The following CFAP43 variants were observed in gnomAD, a reference collection of about 807,000 sequenced individuals.
The protein encoded by CFAP43 is cilia- and flagella-associated protein 43.
A neutral mutation model predicts 218.9 loss-of-function variants in CFAP43; 155 were observed. That is an observed-to-expected ratio of 0.71 (90% CI 0.62 to 0.81). The LOEUF is 0.81. CFAP43 is among the 30% of genes least tolerant of loss of function. The pLI is 0.00. For synonymous variants in CFAP43, 645 were observed against 681.3 expected (o/e 0.95, Z 0.83); for missense variants, 1,778 against 1,954.3 (o/e 0.91, Z 1.70).
At chr10:104,163,525 C>A (rs2088987879) in intron 24 of CFAP43, among the ~76,000 whole-genome samples, 1 of 152,164 alleles carries the variant, frequency 6.6e-6, no homozygotes, top group African/African-American at 2.4e-5. Flanking sequence ...TTATTTCCAA[C>A]TGCCTCTGTG....
chr10:104,159,141 C>T (rs1036838708), intron 27 of CFAP43, among the ~76,000 whole-genome samples: 1 of 151,952 alleles, frequency 6.6e-6, no homozygotes, highest in Non-Finnish European at 1.5e-5. Context: ...TATTTTTATA[C>T]ATGTTTGACA....
At chr10:104,214,166 T>TA (rs1361062072) in intron 4 of CFAP43, 93 bp downstream of exon 4, 1 of 1,310,674 alleles carries the variant, frequency 7.6e-7, no homozygotes, top group Non-Finnish European at 1.0e-6. Context: ...TATGTATGTA[T>TA]AAAGCCACTT....
intron 13 of CFAP43, among the ~76,000 whole-genome samples, 200 bp downstream of exon 13, chr10:104,188,070 C>T (rs1340575557): frequency 6.6e-6 from 1 of 152,186 alleles, no homozygotes; most frequent in Non-Finnish European, 1.5e-5. Flanking sequence ...GGTAATAAAG[C>T]AGACTCATGA....
intron 7 of CFAP43, among the ~76,000 whole-genome samples, chr10:104,204,148 A>G (rs1452502632): frequency 1.3e-5 from 2 of 152,184 alleles, no homozygotes; most frequent in Non-Finnish European, 2.9e-5. Flanking sequence ...TGTGTATAGC[A>G]GTTTCTTTCC....
chr10:104,164,018 T>C, intron 24 of CFAP43, 76 bp downstream of exon 24: 1 of 1,481,318 alleles, frequency 6.8e-7, no homozygotes, highest in Non-Finnish European at 9.3e-7. Flanking sequence ...TCCCACAGAG[T>C]AACCAAGTTG....
intron 2 of CFAP43, among the ~76,000 whole-genome samples, chr10:104,229,640 G>A (rs955555107): frequency 6.6e-6 from 1 of 152,070 alleles, no homozygotes; most frequent in Non-Finnish European, 1.5e-5. Flanking sequence ...CTCCAGCCTG[G>A]GTGATAGAGC....
Position 104,168,835 on chromosome 10 carries a change from ACATCCTTT to A in CFAP43, c.2592_2599del (p.Lys865ArgfsTer4). 6.2e-7 allele frequency: 1 copy of A among 1,612,342 alleles called. No individual in the cohort carries two copies. Among genetic ancestry groups the A allele is most frequent in the Non-Finnish European group, 8.5e-7 (1 of 1,178,736 alleles). ...GCTCTTGGCTAAGTTATGCATCTCT[ACATCCTTT>A]ATCATCTTGAAGAACACAGACAAAG... On this transcript the variant is annotated frameshift_variant, in exon 21 of 38. Transcript: ENST00000357060. LOFTEE classifies it high-confidence loss of function.
intron 19 of CFAP43, among the ~76,000 whole-genome samples, chr10:104,175,280 T>C: frequency 6.6e-6 from 1 of 151,534 alleles, no homozygotes; most frequent in Non-Finnish European, 1.5e-5. Context: ...CAAAAATTAC[T>C]TGGGCGTGGT....
At chr10:104,170,553 G>A (rs574790156) in intron 20 of CFAP43, among the ~76,000 whole-genome samples, 1 of 152,158 alleles carries the variant, frequency 6.6e-6, no homozygotes, top group South Asian at 2.1e-4. Context: ...ATAGCAGGGG[G>A]CATTCCGAGC....
intron 2 of CFAP43, among the ~76,000 whole-genome samples, chr10:104,229,560 A>G (rs1405245666): frequency 2.6e-5 from 4 of 151,418 alleles, no homozygotes; most frequent in African/African-American, 9.7e-5. Context: ...GCTACCTGGG[A>G]GGCCAAGGCA....
chr10:104,203,373 G>A (rs1170006038), intron 8 of CFAP43: 1 of 363,256 alleles, frequency 2.8e-6, no homozygotes. Flanking sequence ...AGTCTGCATG[G>A]AAATGGAGGC....
In CFAP43 at chr10:104,147,976, A is replaced by T. The variant is rs79754825; in HGVS notation, c.3683T>A (p.Leu1228His). ...TTCATCCAACAATAAAGAAAATGCA[A>T]GGTTACTTATTTTCAGTTCCTCCTG... ...TNQEELKISN[L>H]AFSLLLDEEL... The change falls in exon 29 of 38, where the codon CTT becomes CAT. Residue 1228 changes from leucine (L) to histidine (H), a missense_variant. Around this residue, in one of 3 missense-constraint regions of CFAP43, gnomAD observed 1,553 missense variants for 1,685.2 expected, o/e 0.92. Coordinates refer to ENST00000357060, the MANE Select transcript of CFAP43 (RefSeq NM_025145.7). 6.3e-7 allele frequency: 1 copy of T among 1,591,134 alleles called. No homozygotes were observed. The highest frequency in any genetic ancestry group is 2.3e-5 in the East Asian group (1 of 44,360).
intron 12 of CFAP43, among the ~76,000 whole-genome samples, chr10:104,189,842 AAAAACAAAAC>A (rs561521727): frequency 1.3e-5 from 2 of 152,128 alleles, no homozygotes; most frequent in Non-Finnish European, 2.9e-5. Context: ...TTCTCTACTA[AAAAACAAAAC>A]AAAACAAAAC....
chr10:104,174,632 A>G (rs1166927738), intron 19 of CFAP43, among the ~76,000 whole-genome samples: 2 of 152,242 alleles, frequency 1.3e-5, no homozygotes, highest in African/African-American at 2.4e-5. Flanking sequence ...GATACCTAAA[A>G]TAAACCTAAT....
At chr10:104,218,141 G>A (rs987132478) in intron 3 of CFAP43, among the ~76,000 whole-genome samples, 15 of 152,102 alleles carry the variant, frequency 9.9e-5, no homozygotes, top group Admixed American at 3.9e-4. Context: ...GAGGTCAGGA[G>A]ATTGAGACCA....
In CFAP43 at chr10:104,147,907, C is replaced by T; in HGVS notation, c.3752G>A (p.Arg1251Lys). The T allele has an allele frequency of 6.3e-7, 1 of 1,593,076 alleles. No individual in the cohort carries two copies. Among genetic ancestry groups the T allele is most frequent in the Non-Finnish European group, 8.5e-7 (1 of 1,170,796 alleles). The change falls in exon 29 of 38, where the codon AGG (arginine) becomes AAG (lysine). Residue 1251 changes from arginine to lysine, a missense_variant. Physicochemically the swap from Arg to Lys is conservative, Grantham distance 26 (BLOSUM62 2). Transcript: ENST00000357060. ...REKFLNNYLT[R>K]KQHEKSQTSE... ...TATTCTTACTTTCTCGTGCTGTTTC[C>T]TTGTAAGGTAGTTGTTCAGGAATTT...
chr10:104,195,633 C>T (rs1395340524), intron 10 of CFAP43, among the ~76,000 whole-genome samples: 1 of 152,060 alleles, frequency 6.6e-6, no homozygotes, highest in African/African-American at 2.4e-5. Context: ...AACTTCCCTA[C>T]CTAATACCAA....
chr10:104,158,361 T>C (rs952631086), intron 27 of CFAP43, among the ~76,000 whole-genome samples: 1 of 152,158 alleles, frequency 6.6e-6, no homozygotes, highest in Non-Finnish European at 1.5e-5. Flanking sequence ...TACTTAATGT[T>C]ACCAACAGTG....
At chr10:104,166,947 G>A (rs1266438695) in intron 22 of CFAP43, among the ~76,000 whole-genome samples, 1 of 152,194 alleles carries the variant, frequency 6.6e-6, no homozygotes, top group East Asian at 1.9e-4. Context: ...GTCCTGGATG[G>A]TGTGTAATAT....
Sources: gnomAD v4.1 joint callset for allele counts (sites outside exome capture counted in the v4.1 genomes callset) on GRCh38, gnomAD v4.1.1 for gene constraint, gnomAD v4.1.1 regional missense constraint, MANE v1.5 for transcripts, NCBI Gene and HGNC (gene_info 2026-07-23, HGNC 2026-07-21) for gene names.